Variants in GASK1B observed in about 807,000 individuals in gnomAD.
GASK1B encodes golgi associated kinase 1B.
Under a neutral mutation model 42.8 loss-of-function variants are expected in GASK1B, and 34 were observed. That is an observed-to-expected ratio of 0.79 (90% CI 0.60 to 1.06). The LOEUF is 1.06. Among genes scored for constraint, GASK1B ranks in the 50% least tolerant of loss-of-function variants. The pLI, the probability that GASK1B is intolerant of heterozygous loss-of-function variation, is 0.00. For synonymous variants in GASK1B, 262 were observed against 259.1 expected, an observed-to-expected ratio of 1.01 and a Z score of -0.11; for missense variants, 686 against 661.0, an observed-to-expected ratio of 1.04 and a Z score of -0.42.
intron 3 of GASK1B, among the ~76,000 whole-genome samples, chr4:158,135,672 G>A (rs983551938): frequency 1.3e-5 from 2 of 151,892 alleles, no homozygotes; most frequent in Admixed American, 6.6e-5. Flanking sequence ...TGTATCTCTC[G>A]GGGGTAGTCT....
rs116211223 is a variant in GASK1B, at chr4:158,152,582, A to G, written c.1125+3029T>C. Among the ~76,000 whole-genome samples the G allele has an allele frequency of 9.1e-3, 1,383 of 152,292 alleles. 17 individuals carry two copies. The highest frequency in any genetic ancestry group is 0.031 in the African/African-American group (1,272 of 41,562). On this transcript the variant is annotated intron_variant, in intron 3 of 4. Transcript: ENST00000585682. ...CTACAGACCAATATCCCTGATGAGCAAAGATGCAAAAATCCTCAACAAAAT... is the reference window on the plus strand; with the variant it reads ...CTACAGACCAATATCCCTGATGAGCGAAGATGCAAAAATCCTCAACAAAAT...
At chr4:158,147,656 A>T (rs141905364) in intron 3 of GASK1B, among the ~76,000 whole-genome samples, 1 of 151,922 alleles carries the variant, frequency 6.6e-6, no homozygotes, top group East Asian at 1.9e-4. Context: ...AACTTGTATG[A>T]TGGTGAATAC....
Position 158,124,504 on chromosome 4 carries a change from T to C in GASK1B, c.*2903A>G, listed in dbSNP as rs1426592290. ...TTATTTGACCCATGTTCAATTTCCA[T>C]ATAATTTTCAGATGAATGCTCTAAA... On this transcript the variant is annotated 3_prime_UTR_variant, in exon 5 of 5. Coordinates refer to ENST00000585682, the MANE Select transcript of GASK1B (RefSeq NM_001128424.2). 2.0e-5 allele frequency: 3 copies of C among 152,200 alleles called. No individual in the cohort carries two copies. Among genetic ancestry groups the C allele is most frequent in the Non-Finnish European group, 2.9e-5 (2 of 68,034 alleles). The allele number at this position is 152,200 out of a possible 1,614,324, so 9.4% of individuals were successfully genotyped here.
chr4:158,142,591 T>C (rs1010462644), intron 3 of GASK1B, among the ~76,000 whole-genome samples: 11 of 152,198 alleles, frequency 7.2e-5, no homozygotes, highest in Non-Finnish European at 5.9e-5. Context: ...GAATCAATGA[T>C]ATAATTAATA....
At chr4:158,171,710 A>T (rs1475615357) in intron 1 of GASK1B, 111 bp from the exon 2 acceptor site, 2 of 200,336 alleles carry the variant, frequency 1.0e-5, no homozygotes, top group Non-Finnish European at 2.0e-5. Context: ...TATCACCACT[A>T]AATGTTTTTA....
At position 158,170,466 on chromosome 4, in the gene GASK1B, C is replaced by T. The variant is rs567168493; in HGVS notation, c.910G>A (p.Asp304Asn). The change falls in exon 2 of 5, where the codon GAT (aspartate) becomes AAT (asparagine). Residue 304 changes from aspartate (D) to asparagine (N), a missense_variant and splice_region_variant. Transcript: ENST00000585682. ...SVSRKAEFIQDGRPCPIILWD... is the reference protein window; with the variant it reads ...SVSRKAEFIQNGRPCPIILWD... The stretch of plus-strand genomic sequence containing the variant: ...ATAACGAAGCATGTGAATCTGTTAC[C>T]TTGGATGAACTCTGCTTTCCTGCTC... 1.8e-4 allele frequency: 287 copies of T among 1,614,236 alleles called. 3 individuals carry two copies. In the South Asian group the frequency reaches 2.4e-3, roughly 13 times the overall value.
At chr4:158,131,524 G>T (rs751936786) in intron 3 of GASK1B, among the ~76,000 whole-genome samples, 51 of 152,316 alleles carry the variant, frequency 3.3e-4, no homozygotes, top group Non-Finnish European at 4.6e-4. Context: ...TTGAAAAGAT[G>T]TGAGACCAAA....
At chr4:158,130,512 T>A (rs1191550518) in intron 4 of GASK1B, among the ~76,000 whole-genome samples, 1 of 152,150 alleles carries the variant, frequency 6.6e-6, no homozygotes, top group Admixed American at 6.6e-5. Context: ...AAAACCCACA[T>A]GGATTTTCAC....
chr4:158,125,811 A>C lies in GASK1B; in HGVS notation c.*1596T>G, dbSNP rs889916500. 6.6e-6 allele frequency: 1 copy of C among 152,062 alleles called. No homozygotes were observed. Among genetic ancestry groups the C allele is most frequent in the African/African-American group, 2.4e-5 (1 of 41,428 alleles). 9.4% of individuals were successfully genotyped at this position (152,062 alleles called of 1,614,324 possible). On this transcript the variant is annotated 3_prime_UTR_variant, in exon 5 of 5. Transcript: ENST00000585682. ...AAAGCTACAATTAGATTTTCAAATGATCTCTCTCTCCTTGGTCCATCTTCT... is the reference window on the plus strand; with the variant it reads ...AAAGCTACAATTAGATTTTCAAATGCTCTCTCTCTCCTTGGTCCATCTTCT...
rs574335396 is a variant in GASK1B, at chr4:158,153,942, T to A, written c.1125+1669A>T. ...CTGAAAAACCTTCCTGGACATCAGC[T>A]TAGGCAAAGGCTTCATGACCAAGAA... On this transcript the variant is annotated intron_variant, in intron 3 of 4. Coordinates refer to ENST00000585682, the MANE Select transcript of GASK1B (RefSeq NM_001128424.2). Among the ~76,000 whole-genome samples the A allele has an allele frequency of 4.6e-5, 7 of 152,080 alleles. No individual in the cohort carries two copies. In the South Asian group the frequency reaches 1.5e-3, roughly 32 times the overall value.
chr4:158,129,394 C>A (rs1730586135), intron 4 of GASK1B, among the ~76,000 whole-genome samples: 1 of 152,250 alleles, frequency 6.6e-6, no homozygotes, highest in East Asian at 1.9e-4. Context: ...AGAGAACCTG[C>A]CACATAACCT....
chr4:158,170,419 C>A lies in GASK1B; in HGVS notation c.910+47G>T, dbSNP rs753052472. ...AGAGTGAGGGAAAAAAGAAAATGAA[C>A]CAGAATCCCCAACAGCTGCAAATAA... is the stretch of plus-strand genomic sequence containing the variant. On this transcript the variant is annotated intron_variant, in intron 2 of 4. Transcript: ENST00000585682. The A allele has an allele frequency of 8.7e-6, 14 of 1,614,122 alleles. No individual in the cohort carries two copies. In the South Asian group the frequency reaches 1.4e-4, roughly 16 times the overall value.
chr4:158,133,014 C>T (rs1193182806), intron 3 of GASK1B, among the ~76,000 whole-genome samples: 1 of 152,180 alleles, frequency 6.6e-6, no homozygotes, highest in Non-Finnish European at 1.5e-5. Context: ...AAATTAGAAA[C>T]TTTTAGAGAA....
intron 3 of GASK1B, among the ~76,000 whole-genome samples, chr4:158,150,475 G>A (rs897754628): frequency 3.3e-5 from 5 of 152,082 alleles, no homozygotes; most frequent in African/African-American, 1.2e-4. Context: ...TGAGAGGCAA[G>A]GGAGCATAAA....
intron 2 of GASK1B, among the ~76,000 whole-genome samples, chr4:158,157,886 T>C (rs544692364): frequency 1.3e-5 from 2 of 152,202 alleles, no homozygotes; most frequent in South Asian, 2.1e-4. Context: ...TCATGAAATA[T>C]AGAAAAACAT....
intron 3 of GASK1B, among the ~76,000 whole-genome samples, chr4:158,142,700 A>G (rs2110959454): frequency 6.6e-6 from 1 of 152,360 alleles, no homozygotes. Flanking sequence ...ATGTCTTCTG[A>G]TAAAAGAACA....
At chr4:158,159,426 C>T (rs1020382543) in intron 2 of GASK1B, 3 of 375,720 alleles carry the variant, frequency 8.0e-6, no homozygotes, top group African/African-American at 6.4e-5. Flanking sequence ...TAATATAAGG[C>T]TTTTGAAAGA....
At chr4:158,130,693 A>G in intron 4 of GASK1B, 93 bp downstream of exon 4, 1 of 948,238 alleles carries the variant, frequency 1.1e-6, no homozygotes, top group Non-Finnish European at 1.6e-6. Flanking sequence ...TTCAAGGGTT[A>G]AAATGATCAG....
At chr4:158,148,250 A>G (rs549784153) in intron 3 of GASK1B, among the ~76,000 whole-genome samples, 1 of 152,254 alleles carries the variant, frequency 6.6e-6, no homozygotes, top group Admixed American at 6.5e-5. Flanking sequence ...AATATCCTCA[A>G]TATCACTCAA....
Sources: gnomAD v4.1 joint callset for allele counts (sites outside exome capture counted in the v4.1 genomes callset) on GRCh38, gnomAD v4.1.1 for gene constraint, MANE v1.5 for transcripts, NCBI Gene and HGNC (gene_info 2026-07-23, HGNC 2026-07-21) for gene names.